Variants in MTCL3 observed in about 807,000 individuals in gnomAD.
The protein encoded by MTCL3 is MTCL family member 3, also known as microtubule cross-linking factor 3.
At chr6:127,506,283 TAG>T in the MTCL3 span, among the ~76,000 whole-genome samples, 1 of 152,244 alleles carries the variant, frequency 6.6e-6, no homozygotes, top group East Asian at 1.9e-4. Context: ...TGGTTGCATG[TAG>T]AGTCTGTGTA....
At chr6:127,509,923 T>G in the MTCL3 span, among the ~76,000 whole-genome samples, 4 of 152,212 alleles carry the variant, frequency 2.6e-5, no homozygotes, top group Non-Finnish European at 5.9e-5. Context: ...TTAAACTACT[T>G]TTTCTATTTC....
the MTCL3 span, among the ~76,000 whole-genome samples, chr6:127,474,152 T>C: frequency 3.9e-5 from 4 of 102,652 alleles, no homozygotes; most frequent in East Asian, 6.7e-4. Context: ...TTTCAACTTA[T>C]GGTAAAAAAA....
chr6:127,491,053 G>A, the MTCL3 span, among the ~76,000 whole-genome samples: 159 of 152,340 alleles, frequency 1.0e-3, no homozygotes, highest in Non-Finnish European at 1.8e-3. Context: ...TAATGGATGA[G>A]GAGTTGTTTC....
chr6:127,485,574 G>T, the MTCL3 span, among the ~76,000 whole-genome samples: 1 of 152,148 alleles, frequency 6.6e-6, no homozygotes, highest in Non-Finnish European at 1.5e-5. Flanking sequence ...GTGAGATAAA[G>T]ATGTTACATG....
At chr6:127,479,687 A>G in the MTCL3 span, among the ~76,000 whole-genome samples, 1 of 152,256 alleles carries the variant, frequency 6.6e-6, no homozygotes, top group Admixed American at 6.5e-5. Context: ...TAGACTGAAT[A>G]TAATAGAGTC....
chr6:127,498,165 A>G, the MTCL3 span, among the ~76,000 whole-genome samples: 1 of 152,252 alleles, frequency 6.6e-6, no homozygotes, highest in Non-Finnish European at 1.5e-5. Context: ...GACAAGCCTA[A>G]GAAGAAAACA....
chr6:127,492,837 T>C, the MTCL3 span, among the ~76,000 whole-genome samples: 3 of 152,202 alleles, frequency 2.0e-5, no homozygotes, highest in Non-Finnish European at 4.4e-5. Context: ...AAAAATTTTT[T>C]AATGAAACTG....
At chr6:127,475,767 G>A in the MTCL3 span, 1 of 1,607,288 alleles carries the variant, frequency 6.2e-7, no homozygotes, top group Non-Finnish European at 8.5e-7. The surrounding 1 kb of genome is among the most constrained non-coding windows in gnomAD (Gnocchi z 7.3). Context: ...CGTCGCTCTC[G>A]GCGTCGCTGT....
chr6:127,490,147 T>C, the MTCL3 span, among the ~76,000 whole-genome samples: 1 of 152,198 alleles, frequency 6.6e-6, no homozygotes, highest in Non-Finnish European at 1.5e-5. Context: ...CTCTGTTCTA[T>C]AAATGAAAGG....
the MTCL3 span, among the ~76,000 whole-genome samples, chr6:127,474,292 T>C: frequency 2.0e-5 from 3 of 152,194 alleles, no homozygotes; most frequent in Non-Finnish European, 2.9e-5. Flanking sequence ...TAATTTTTTT[T>C]ATTGAGACAG....
chr6:127,487,460 A>G, the MTCL3 span, among the ~76,000 whole-genome samples: 1 of 152,294 alleles, frequency 6.6e-6, no homozygotes, highest in Non-Finnish European at 1.5e-5. Flanking sequence ...AGGGAGGCCC[A>G]GGGATTGCCT....
chr6:127,496,212 T>C, the MTCL3 span, among the ~76,000 whole-genome samples: 2 of 152,342 alleles, frequency 1.3e-5, no homozygotes, highest in African/African-American at 4.8e-5. Flanking sequence ...TAAAGTAATA[T>C]TTTTTAAAGA....
the MTCL3 span, chr6:127,515,490 G>T: frequency 2.1e-6 from 3 of 1,405,214 alleles, no homozygotes; most frequent in Non-Finnish European, 2.8e-6. The surrounding 1 kb of genome is among the most constrained non-coding windows in gnomAD (Gnocchi z 4.3). Flanking sequence ...CCATCCCCCA[G>T]CCGGGTCCCC....
chr6:127,483,119 A>G, the MTCL3 span: 201 of 630,732 alleles, frequency 3.2e-4, 1 homozygote, highest in African/African-American at 3.0e-3. Context: ...TAAAAGGAGG[A>G]AAAAAAATCC....
At chr6:127,482,056 C>A in the MTCL3 span, among the ~76,000 whole-genome samples, 4 of 152,300 alleles carry the variant, frequency 2.6e-5, no homozygotes, top group South Asian at 8.3e-4. This position sits in a 1 kb window ranked among gnomAD's most constrained non-coding sequence, Gnocchi z 4.1. Flanking sequence ...CATGAATAAT[C>A]CACCCCTTGT....
chr6:127,513,485 T>C, the MTCL3 span, among the ~76,000 whole-genome samples: 1 of 152,380 alleles, frequency 6.6e-6, no homozygotes, highest in East Asian at 1.9e-4. Context: ...GTTTCCATTA[T>C]AATCTATGTT....
chr6:127,496,604 C>G, the MTCL3 span, among the ~76,000 whole-genome samples: 14 of 152,152 alleles, frequency 9.2e-5, no homozygotes, highest in African/African-American at 3.4e-4. Context: ...CATATATCCA[C>G]CAAGGACTTT....
chr6:127,492,870 A>G, the MTCL3 span, among the ~76,000 whole-genome samples: 1 of 152,226 alleles, frequency 6.6e-6, no homozygotes, highest in African/African-American at 2.4e-5. Flanking sequence ...TTATTTTTAA[A>G]GTTCACTTTT....
chr6:127,481,585 T>C, the MTCL3 span: 3 of 562,888 alleles, frequency 5.3e-6, no homozygotes, highest in Non-Finnish European at 6.8e-6. Flanking sequence ...CTTTTTCAAA[T>C]TTTGAATATT....
Sources: allele counts gnomAD v4.1 joint callset (sites outside exome capture counted in the v4.1 genomes callset), GRCh38; gene constraint gnomAD v4.1.1; non-coding constraint Gnocchi (gnomAD v3.1); transcripts MANE v1.5; gene names NCBI Gene and HGNC (gene_info 2026-07-23, HGNC 2026-07-21).